HACL1: variants seen among roughly 807,000 people sequenced by gnomAD.
The protein encoded by HACL1 is 1600020H07Rik.
Under a neutral mutation model 74.2 loss-of-function variants are expected in HACL1, and 64 were observed. That is an observed-to-expected ratio of 0.86 (90% CI 0.70 to 1.06). The LOEUF is 1.06. Ranked by LOEUF, HACL1 falls within the 50% of genes least tolerant of loss-of-function variation. The probability of loss-of-function intolerance (pLI) is 0.00; values close to 1 mark genes in which losing one functional copy is unlikely to be tolerated. For missense variants in HACL1, 728 were observed against 719.7 expected, an observed-to-expected ratio of 1.01 and a Z score of -0.13; for synonymous variants, 230 against 238.8, an observed-to-expected ratio of 0.96 and a Z score of 0.34.
chr3:15,570,666 C>T (rs1410560088), intron 12 of HACL1, among the ~76,000 whole-genome samples: 4 of 151,306 alleles, frequency 2.6e-5, no homozygotes, highest in Admixed American at 6.6e-5. Context: ...TACTAGAAAT[C>T]GCCAAATCCT....
In HACL1 at chr3:15,563,535, T is replaced by G. The variant is rs1243692782; in HGVS notation, c.1527A>C (p.Pro509=). The change falls in exon 16 of 17, where the codon CCA becomes CCC. Residue 509 remains proline, a synonymous_variant. Coordinates refer to ENST00000321169, the MANE Select transcript of HACL1 (RefSeq NM_012260.4). ...AATGTGAATTTGGCAGCAAACACATTGGAGGGACCCTGAAAAACAAGGTCA... is the reference window on the plus strand; with the variant it reads ...AATGTGAATTTGGCAGCAAACACATGGGAGGGACCCTGAAAAACAAGGTCA... The part of the protein sequence containing the change: ...KFQDATAVVP[P]MCLLPNSHYE... The G allele has an allele frequency of 1.2e-6, 2 of 1,602,366 alleles. No homozygotes were observed. The highest frequency in any genetic ancestry group is 2.7e-5 in the African/African-American group (2 of 74,630).
In HACL1 at chr3:15,560,792, A is replaced by T; in HGVS notation, c.*73T>A. The T allele has an allele frequency of 1.0e-6, 1 of 976,678 alleles. No homozygotes were observed. The highest frequency in any genetic ancestry group is 1.6e-6 in the Non-Finnish European group (1 of 610,992). The allele number at this position is 976,678 out of a possible 1,614,324, so 60.5% of individuals were successfully genotyped here. A position where few individuals can be genotyped will look rare whatever the true frequency, so the allele number is the denominator to read the frequency against. On this transcript the variant is annotated 3_prime_UTR_variant, in exon 17 of 17. Transcript: ENST00000321169. ...TTTTGCACAATTTTAACAGTAGAGT[A>T]ATTTTGCTGTGGAAAATAAAATTTC...
chr3:15,598,987 A>T (rs1215526818), intron 2 of HACL1, among the ~76,000 whole-genome samples: 1 of 152,236 alleles, frequency 6.6e-6, no homozygotes, highest in Non-Finnish European at 1.5e-5. Flanking sequence ...CAATCAAGTA[A>T]GCCCAAAATC....
chr3:15,598,788 T>C (rs1457228002), intron 2 of HACL1, among the ~76,000 whole-genome samples: 2 of 152,232 alleles, frequency 1.3e-5, no homozygotes. Flanking sequence ...TCACTACCCT[T>C]AGTTCAGGTA....
At chr3:15,579,046 T>C (rs913737308) in intron 9 of HACL1, among the ~76,000 whole-genome samples, 9 of 152,248 alleles carry the variant, frequency 5.9e-5, no homozygotes, top group Admixed American at 3.3e-4. Context: ...GAAGTGACCC[T>C]GGAACTACTT....
At chr3:15,600,966 A>G in intron 2 of HACL1, 124 bp downstream of exon 2, 2 of 674,320 alleles carry the variant, frequency 3.0e-6, no homozygotes, top group East Asian at 5.4e-5. Flanking sequence ...TTCAACAGTG[A>G]TTGATATGAT....
chr3:15,560,964 T>G, intron 16 of HACL1, 67 bp from the exon 17 acceptor site: 1 of 1,194,476 alleles, frequency 8.4e-7, no homozygotes, highest in Non-Finnish European at 1.2e-6. Flanking sequence ...TCCTCATTGT[T>G]TCACTTGTTC....
chr3:15,569,352 C>T (rs1284634380), intron 12 of HACL1, among the ~76,000 whole-genome samples: 1 of 152,120 alleles, frequency 6.6e-6, no homozygotes, highest in East Asian at 1.9e-4. Flanking sequence ...CGTTCCTATG[C>T]GAAAGAAAAG....
chr3:15,570,513 T>C (rs79670820), intron 12 of HACL1, among the ~76,000 whole-genome samples: 1,639 of 151,134 alleles, frequency 0.011, 35 homozygotes, highest in African/African-American at 0.037. Context: ...TAAGAAACAC[T>C]GGTGGAATCA....
At chr3:15,566,137 C>A (rs533202541) in intron 14 of HACL1, among the ~76,000 whole-genome samples, 49 of 152,296 alleles carry the variant, frequency 3.2e-4, no homozygotes, top group African/African-American at 1.2e-3. Context: ...AAATCTTGAA[C>A]GTTTTATCTA....
In HACL1 at chr3:15,564,642, TGATTGGCAA is replaced by T. The variant is rs2063402369; in HGVS notation, c.1417_1425del (p.Leu473_Ile475del). The T allele has an allele frequency of 6.7e-7, 1 of 1,493,066 alleles. No individual in the cohort carries two copies. The highest frequency in any genetic ancestry group is 1.4e-5 in the African/African-American group (1 of 72,486). 92.5% of individuals were successfully genotyped at this position (1,493,066 alleles called of 1,614,324 possible). On this transcript the variant is annotated inframe_deletion, in exon 15 of 17. Coordinates refer to ENST00000321169, the MANE Select transcript of HACL1 (RefSeq NM_012260.4). ...CCATTGTTATTCACTACCAACAGTA[TGATTGGCAA>T]GTTGTACCTAAAGTGAGAGTAAAAT...
At chr3:15,565,993 G>C (rs2063428544) in intron 14 of HACL1, among the ~76,000 whole-genome samples, 1 of 151,958 alleles carries the variant, frequency 6.6e-6, no homozygotes, top group Admixed American at 6.6e-5. Flanking sequence ...ATATATGGGG[G>C]GTATGCATAG....
Position 15,567,834 on chromosome 3 carries a change from G to A in HACL1, c.1409+10C>T, listed in dbSNP as rs1350360378. 6.2e-7 allele frequency: 1 copy of A among 1,609,272 alleles called. No individual in the cohort carries two copies. ...AGAATCAAATGCTCTGATTCAGGAT[G>A]ATGTTTTACCTGCAGATGGTTTCTA... is the stretch of plus-strand genomic sequence containing the variant. On this transcript the variant is annotated intron_variant, in intron 14 of 16. Coordinates refer to ENST00000321169, the MANE Select transcript of HACL1 (RefSeq NM_012260.4).
At chr3:15,577,624 C>G (rs2063649751) in intron 9 of HACL1, among the ~76,000 whole-genome samples, 1 of 151,964 alleles carries the variant, frequency 6.6e-6, no homozygotes, top group Non-Finnish European at 1.5e-5. Flanking sequence ...AACCTCGTTT[C>G]TACAAAAAAT....
In HACL1 at chr3:15,601,520, G is replaced by T. The variant is rs1468601462; in HGVS notation, c.-57C>A. Reference sequence around the variant, plus strand: ...GCCGGCAAACAAGCGGAATCATCCAGCAAGGCAAACGCGAAATCGGCAGCA... The same window carrying T: ...GCCGGCAAACAAGCGGAATCATCCATCAAGGCAAACGCGAAATCGGCAGCA... On this transcript the variant is annotated 5_prime_UTR_variant, in exon 1 of 17. It adds an upstream start codon to the 5' untranslated region. Coordinates refer to ENST00000321169, the MANE Select transcript of HACL1 (RefSeq NM_012260.4). 6.2e-7 allele frequency: 1 copy of T among 1,608,870 alleles called. No individual in the cohort carries two copies. Among genetic ancestry groups the T allele is most frequent in the Non-Finnish European group, 8.5e-7 (1 of 1,180,006 alleles).
At chr3:15,590,659 G>C (rs775242953) in intron 4 of HACL1, among the ~76,000 whole-genome samples, 2 of 152,072 alleles carry the variant, frequency 1.3e-5, no homozygotes, top group Non-Finnish European at 2.9e-5. Flanking sequence ...GCAAAACAAG[G>C]TGAAAAATTA....
chr3:15,589,203 T>C (rs900568931), intron 5 of HACL1, among the ~76,000 whole-genome samples: 2 of 152,146 alleles, frequency 1.3e-5, no homozygotes, highest in Admixed American at 1.3e-4. Flanking sequence ...TACTAAAATC[T>C]TAAGAGTTGC....
chr3:15,562,446 T>C (rs1012259400), intron 16 of HACL1, among the ~76,000 whole-genome samples: 2 of 152,230 alleles, frequency 1.3e-5, no homozygotes, highest in African/African-American at 2.4e-5. Context: ...GAATTCTATA[T>C]ATTTTAGTGT....
At chr3:15,592,329 T>G (rs2063937432) in intron 3 of HACL1, among the ~76,000 whole-genome samples, 1 of 150,440 alleles carries the variant, frequency 6.6e-6, no homozygotes, top group Non-Finnish European at 1.5e-5. Context: ...TATGTATATA[T>G]ACTCTGGGCA....
Sources: gnomAD v4.1 joint callset for allele counts (sites outside exome capture counted in the v4.1 genomes callset) on GRCh38, gnomAD v4.1.1 for gene constraint, MANE v1.5 for transcripts, NCBI Gene and HGNC (gene_info 2026-07-23, HGNC 2026-07-21) for gene names.